The following COL15A1 variants were observed in gnomAD, a reference collection of about 807,000 sequenced individuals.
COL15A1 encodes the protein collagen type XV alpha 1 chain.
A neutral mutation model predicts 165.9 loss-of-function variants in COL15A1; 111 were observed. The observed-to-expected ratio is 0.67, with a 90% CI of 0.57 to 0.78. The LOEUF (loss-of-function observed/expected upper bound fraction) is 0.78. COL15A1 is among the 30% of genes least tolerant of loss of function. The pLI is 0.00. For missense variants in COL15A1, 1,745 were observed against 1,789.7 expected, an observed-to-expected ratio of 0.98 and a Z score of 0.45; for synonymous variants, 659 against 674.8, an observed-to-expected ratio of 0.98 and a Z score of 0.36.
At chr9:99,058,593 C>CAA (rs1420505185) in intron 35 of COL15A1, among the ~76,000 whole-genome samples, 1 of 152,204 alleles carries the variant, frequency 6.6e-6, no homozygotes, top group Non-Finnish European at 1.5e-5. Flanking sequence ...GCAAGGATTG[C>CAA]TTCTCACATA....
intron 4 of COL15A1, among the ~76,000 whole-genome samples, chr9:98,987,949 G>A (rs992377693): frequency 5.6e-5 from 7 of 125,082 alleles, no homozygotes; most frequent in African/African-American, 2.5e-4. Context: ...TGGGAAAAGG[G>A]GGAGATCCTC....
At chr9:99,057,930 A>T (rs1395628005) in intron 35 of COL15A1, among the ~76,000 whole-genome samples, 1 of 152,102 alleles carries the variant, frequency 6.6e-6, no homozygotes, top group Non-Finnish European at 1.5e-5. Flanking sequence ...TAGAAACGTA[A>T]CTCAAAGTAG....
At chr9:99,061,530 C>T (rs540016226) in intron 36 of COL15A1, among the ~76,000 whole-genome samples, 52 of 152,302 alleles carry the variant, frequency 3.4e-4, no homozygotes, top group Non-Finnish European at 6.8e-4. Context: ...GCTTGCCTTT[C>T]TTATTCCAAA....
intron 3 of COL15A1, 70 bp downstream of exon 3, chr9:98,986,182 C>A: frequency 1.7e-6 from 2 of 1,171,420 alleles, no homozygotes; most frequent in Non-Finnish European, 2.5e-6. Context: ...ATAAATGGAG[C>A]AACTATTATT....
At chr9:98,959,818 A>T (rs1837838522) in intron 2 of COL15A1, among the ~76,000 whole-genome samples, 1 of 152,096 alleles carries the variant, frequency 6.6e-6, no homozygotes, top group South Asian at 2.1e-4. Flanking sequence ...ATCATGTCAC[A>T]TCCCCTGTCA....
intron 11 of COL15A1, among the ~76,000 whole-genome samples, chr9:99,017,072 T>C (rs748335278): frequency 4.5e-4 from 68 of 152,364 alleles, no homozygotes; most frequent in Non-Finnish European, 8.2e-4. Flanking sequence ...ATAGCGGCTC[T>C]GGGCCCTCAG....
At position 99,023,437 on chromosome 9, in the gene COL15A1, G is replaced by A. The variant is rs1839061670; in HGVS notation, c.1842G>A (p.Glu614=). 3 of 1,414,544 alleles carry A rather than the reference G, an allele frequency of 2.1e-6. No individual in the cohort carries two copies. Among genetic ancestry groups the A allele is most frequent in the Non-Finnish European group, 1.0e-6 (1 of 999,144 alleles). 87.6% of individuals were successfully genotyped at this position (1,414,544 alleles called of 1,614,324 possible). The change falls in exon 14 of 42, where the codon GAG becomes GAA. Residue 614 remains glutamate, a synonymous_variant. Coordinates refer to ENST00000375001, the MANE Select transcript of COL15A1 (RefSeq NM_001855.5). ...GSGSGDLVGS[E]QLLRGPPGPP... The stretch of plus-strand genomic sequence containing the variant: ...GCTCTGGTGACCTGGTGGGCAGTGA[G>A]CAGCTGCTGAGAGTGAGTGTGAAGG...
At chr9:99,024,713 C>T (rs924194603) in intron 14 of COL15A1, among the ~76,000 whole-genome samples, 161 bp from the exon 15 acceptor site, 5 of 152,200 alleles carry the variant, frequency 3.3e-5, no homozygotes, top group African/African-American at 9.7e-5. Flanking sequence ...GCCCTTGAGT[C>T]GCATGGTCTC....
In COL15A1 at chr9:99,059,709, C is replaced by T. The variant is rs1017570585; in HGVS notation, c.3338-180C>T. On this transcript the variant is annotated intron_variant, in intron 35 of 41. Coordinates refer to ENST00000375001, the MANE Select transcript of COL15A1 (RefSeq NM_001855.5). Reference sequence around the variant, plus strand: ...CAAGAATCCCAGCTCTTCCCTGAACCAGTCAATGTGGCCTAAGTCACACGC... The same window carrying T: ...CAAGAATCCCAGCTCTTCCCTGAACTAGTCAATGTGGCCTAAGTCACACGC... 2.0e-5 allele frequency among the ~76,000 whole-genome samples: 3 copies of T among 152,330 alleles called. No homozygotes were observed. The South Asian group carries it at 6.2e-4, about 32-fold the overall frequency.
At chr9:99,020,283 C>T in intron 11 of COL15A1, 106 bp from the exon 12 acceptor site, 1 of 821,728 alleles carries the variant, frequency 1.2e-6, no homozygotes, top group Non-Finnish European at 2.1e-6. Context: ...CAAGCCCTAG[C>T]TCATGCCCAG....
At position 99,063,473 on chromosome 9, in the gene COL15A1, A is replaced by G. The variant is rs188474726; in HGVS notation, c.3651+364A>G. On this transcript the variant is annotated intron_variant, in intron 39 of 41. Transcript: ENST00000375001. Reference sequence around the variant, plus strand: ...AATTGCTAGTATTAAATTACAGGCAAAAGAGTAGAGTTCAAGGCAGAAAAG... The same window carrying G: ...AATTGCTAGTATTAAATTACAGGCAGAAGAGTAGAGTTCAAGGCAGAAAAG... 8.0e-4 allele frequency among the ~76,000 whole-genome samples: 122 copies of G among 152,290 alleles called. No homozygotes were observed. The South Asian group carries it at 0.013, about 16-fold the overall frequency.
intron 2 of COL15A1, among the ~76,000 whole-genome samples, chr9:98,978,605 G>C (rs1437610780): frequency 6.6e-6 from 1 of 152,160 alleles, no homozygotes; most frequent in Non-Finnish European, 1.5e-5. Flanking sequence ...ATCTCAGTGG[G>C]ATGTGTGGTT....
chr9:98,974,039 T>C (rs115312703), intron 2 of COL15A1, among the ~76,000 whole-genome samples: 1 of 152,284 alleles, frequency 6.6e-6, no homozygotes, highest in African/African-American at 2.4e-5. Flanking sequence ...CACCACCCCA[T>C]GCAACATCTG....
chr9:98,991,884 A>G (rs576300178), intron 5 of COL15A1, among the ~76,000 whole-genome samples: 1 of 152,234 alleles, frequency 6.6e-6, no homozygotes, highest in East Asian at 1.9e-4. Flanking sequence ...TCCTTTAGCT[A>G]GACATAAAAG....
intron 9 of COL15A1, among the ~76,000 whole-genome samples, chr9:99,012,784 T>C (rs1838868035): frequency 7.2e-6 from 1 of 138,168 alleles, no homozygotes; most frequent in Non-Finnish European, 1.5e-5. Context: ...CAATCTCGGC[T>C]CACTGCAACC....
chr9:99,021,445 C>A (rs1057305673), intron 12 of COL15A1, among the ~76,000 whole-genome samples: 1 of 152,172 alleles, frequency 6.6e-6, no homozygotes, highest in Non-Finnish European at 1.5e-5. Context: ...ATCTGGCCAT[C>A]CTGTCACCTT....
intron 9 of COL15A1, among the ~76,000 whole-genome samples, chr9:99,015,118 C>T (rs1305537237): frequency 3.3e-5 from 5 of 151,468 alleles, no homozygotes; most frequent in Admixed American, 6.6e-5. Context: ...TTTTTTTTCC[C>T]TTTGGCTTAT....
chr9:98,960,587 G>A (rs1296698690), intron 2 of COL15A1, among the ~76,000 whole-genome samples: 1 of 152,298 alleles, frequency 6.6e-6, no homozygotes, highest in African/African-American at 2.4e-5. Flanking sequence ...GTAGCTTGGA[G>A]GGCAAGTGCT....
In COL15A1 at chr9:99,056,381, G is replaced by C. The variant is rs371436097; in HGVS notation, c.3314G>C (p.Gly1105Ala). ...CCACCGGGGCCCCCGGGGCCACCAGGACCTCCAGCTATCCTGGGAGCAGGT... is the reference window on the plus strand; with the variant it reads ...CCACCGGGGCCCCCGGGGCCACCAGCACCTCCAGCTATCCTGGGAGCAGGT... Reference protein sequence around the residue: ...PGPPGPPGPPGPPAILGAAVA... With the variant: ...PGPPGPPGPPAPPAILGAAVA... Residue 1105 changes from glycine (G) to alanine (A), a missense_variant, in exon 35 of 42, where the codon GGA (glycine) becomes GCA (alanine). Gly to Ala is a moderately conservative substitution (Grantham distance 60). Coordinates refer to ENST00000375001, the MANE Select transcript of COL15A1 (RefSeq NM_001855.5). 5 of 1,612,374 alleles carry C rather than the reference G, an allele frequency of 3.1e-6. No homozygotes were observed.
Sources: allele counts gnomAD v4.1 joint callset (sites outside exome capture counted in the v4.1 genomes callset), GRCh38; gene constraint gnomAD v4.1.1; transcripts MANE v1.5; gene names NCBI Gene and HGNC (gene_info 2026-07-23, HGNC 2026-07-21).